The following USP7 variants were observed in gnomAD, a reference collection of about 807,000 sequenced individuals.
USP7 encodes the protein ubiquitin specific peptidase 7.
Under a neutral mutation model 162.9 loss-of-function variants are expected in USP7, and 9 were observed. The ratio of observed to expected loss-of-function variants is 0.06; its 90% CI spans 0.03 to 0.10. USP7 has a LOEUF of 0.10. Among genes scored for constraint, USP7 ranks in the 10% least tolerant of loss-of-function variants. The pLI, the probability that USP7 is intolerant of heterozygous loss-of-function variation, is 1.00. For synonymous variants in USP7, 562 were observed against 475.9 expected, an observed-to-expected ratio of 1.18 and a Z score of -2.35; for missense variants, 715 against 1,373.7, an observed-to-expected ratio of 0.52 and a Z score of 7.58.
At position 8,895,200 on chromosome 16, in the gene USP7, C is replaced by G. The variant is rs148295997; in HGVS notation, c.2920-50G>C. The G allele has an allele frequency of 2.5e-4, 405 of 1,612,744 alleles. 2 individuals carry two copies. In the East Asian group the frequency reaches 6.4e-3, roughly 26 times the overall value. ...GTTCTGTAAGTGCAAGTGATGTGGT[C>G]AAAGTGTCCACATCTCAATTCTCAC... On this transcript the variant is annotated intron_variant, in intron 27 of 30. Coordinates refer to ENST00000344836, the MANE Select transcript of USP7 (RefSeq NM_003470.3).
intron 4 of USP7, 104 bp from the exon 5 acceptor site, chr16:8,920,551 T>C (rs1316083392): frequency 3.5e-6 from 3 of 847,878 alleles, no homozygotes; most frequent in African/African-American, 1.8e-5. Flanking sequence ...ATGAAAATAC[T>C]TTTTTTTTAA....
intron 25 of USP7, among the ~76,000 whole-genome samples, chr16:8,898,130 A>C (rs1417300673): frequency 6.6e-6 from 1 of 152,130 alleles, no homozygotes; most frequent in Non-Finnish European, 1.5e-5. Context: ...CCAGAAGGGA[A>C]GGGTTGGCTG....
At chr16:8,960,698 T>C (rs1899973563) in intron 1 of USP7, among the ~76,000 whole-genome samples, 1 of 152,216 alleles carries the variant, frequency 6.6e-6, no homozygotes, top group African/African-American at 2.4e-5. Context: ...GCCTGGTCCA[T>C]GAAGCCAACC....
At chr16:8,953,195 C>T (rs1359927083) in intron 1 of USP7, among the ~76,000 whole-genome samples, 2 of 152,082 alleles carry the variant, frequency 1.3e-5, no homozygotes, top group East Asian at 3.9e-4. Context: ...CTGAGGCTCC[C>T]CCTCCCCGCG....
intron 1 of USP7, among the ~76,000 whole-genome samples, chr16:8,936,906 T>C (rs1392432766): frequency 5.9e-5 from 9 of 152,094 alleles, no homozygotes; most frequent in South Asian, 4.1e-4. Flanking sequence ...ACAAATCTGG[T>C]TTAAAACACT....
At chr16:8,927,411 G>A (rs985296773) in intron 2 of USP7, among the ~76,000 whole-genome samples, 1 of 152,166 alleles carries the variant, frequency 6.6e-6, no homozygotes, top group Admixed American at 6.5e-5. Context: ...AAATGGTGCT[G>A]TTGCAGTGAT....
chr16:8,908,202 T>G (rs1857331001), intron 12 of USP7, 139 bp downstream of exon 12: 1 of 721,048 alleles, frequency 1.4e-6, no homozygotes, highest in South Asian at 1.7e-5. Context: ...ACTGCGGCTC[T>G]TGGGACACAG....
At chr16:8,953,589 G>A (rs1899662916) in intron 1 of USP7, among the ~76,000 whole-genome samples, 3 of 86,948 alleles carry the variant, frequency 3.5e-5, no homozygotes, top group Non-Finnish European at 7.3e-5. Flanking sequence ...CGTGCCCCAT[G>A]CGGCGCCACC....
chr16:8,921,003 G>GA (rs1463555939), intron 4 of USP7, among the ~76,000 whole-genome samples, 154 bp downstream of exon 4: 1 of 152,176 alleles, frequency 6.6e-6, no homozygotes, highest in Non-Finnish European at 1.5e-5. Context: ...CGTAAGATAC[G>GA]AAACTGGAGA....
chr16:8,925,837 T>C (rs1319653298), intron 2 of USP7, among the ~76,000 whole-genome samples: 1 of 152,214 alleles, frequency 6.6e-6, no homozygotes, highest in Non-Finnish European at 1.5e-5. Flanking sequence ...TCCTGAAAAC[T>C]CTTCATACTA....
intron 5 of USP7, 22 bp downstream of exon 5, chr16:8,920,337 A>T (rs765440096): frequency 1.3e-6 from 2 of 1,593,556 alleles, no homozygotes; most frequent in Non-Finnish European, 1.7e-6. Flanking sequence ...TTTTAACAGC[A>T]CCTGATTAAA....
chr16:8,926,295 T>C lies in USP7; in HGVS notation c.185-2882A>G, dbSNP rs111518278. The stretch of plus-strand genomic sequence containing the variant: ...GAGTTTGAGACCAGCCTGCCCAACA[T>C]GGTGAAACCCCGTCTCTACTAAAAA... On this transcript the variant is annotated intron_variant, in intron 2 of 30. Transcript: ENST00000344836. Among the ~76,000 whole-genome samples, 526 of 151,842 alleles carry C rather than the reference T, an allele frequency of 3.5e-3. 2 individuals carry two copies. The highest frequency in any genetic ancestry group is 0.012 in the African/African-American group (496 of 41,376).
At chr16:8,938,766 T>A (rs1332323627) in intron 1 of USP7, among the ~76,000 whole-genome samples, 1 of 152,150 alleles carries the variant, frequency 6.6e-6, no homozygotes, top group East Asian at 1.9e-4. Flanking sequence ...TACAGATTTT[T>A]TTCTGTGTCA....
intron 4 of USP7, among the ~76,000 whole-genome samples, chr16:8,920,724 G>T (rs1371155828): frequency 6.6e-6 from 1 of 152,154 alleles, no homozygotes; most frequent in African/African-American, 2.4e-5. Context: ...CCTCTAAGCA[G>T]GGGAGGGGCT....
intron 25 of USP7, among the ~76,000 whole-genome samples, chr16:8,897,772 A>ACCTGT (rs2061711984): frequency 7.5e-6 from 1 of 133,836 alleles, no homozygotes; most frequent in Non-Finnish European, 1.6e-5. Flanking sequence ...GGTGACATAC[A>ACCTGT]CCTGTAATCC....
intron 1 of USP7, among the ~76,000 whole-genome samples, chr16:8,957,335 A>C (rs1459648576): frequency 6.6e-6 from 1 of 152,154 alleles, no homozygotes; most frequent in Non-Finnish European, 1.5e-5. Context: ...TTAACATCTA[A>C]CTCTGTCATG....
chr16:8,895,804 T>C (rs897821002), intron 26 of USP7, 63 bp from the exon 27 acceptor site: 56 of 1,157,446 alleles, frequency 4.8e-5, no homozygotes, highest in Non-Finnish European at 6.1e-5. Flanking sequence ...AAAAATAAAA[T>C]GGTTTTCTAG....
chr16:8,896,525 T>A (rs1332684727), intron 26 of USP7, among the ~76,000 whole-genome samples: 1 of 152,128 alleles, frequency 6.6e-6, no homozygotes, highest in Admixed American at 6.5e-5. Context: ...AAATAAACAA[T>A]CAATTCAGGG....
chr16:8,921,200 T>C lies in USP7; in HGVS notation c.479A>G (p.His160Arg). ...FSRRISHLFF[H>R]KENDWGFSNF... is the part of the protein sequence containing the mutation. ...GGAAAATCCCCAATCATTTTCTTTA[T>C]GGAAGAACAAATGACTAATACGACG... The change falls in exon 4 of 31, where the codon CAT (histidine) becomes CGT (arginine). Residue 160 changes from histidine to arginine, a missense_variant. Physicochemically the swap from His to Arg is conservative, Grantham distance 29. Coordinates refer to ENST00000344836, the MANE Select transcript of USP7 (RefSeq NM_003470.3). 6.2e-7 allele frequency: 1 copy of C among 1,614,088 alleles called. No individual in the cohort carries two copies. The highest frequency in any genetic ancestry group is 8.5e-7 in the Non-Finnish European group (1 of 1,180,016).
Sources: allele counts gnomAD v4.1 joint callset (sites outside exome capture counted in the v4.1 genomes callset), GRCh38; gene constraint gnomAD v4.1.1; transcripts MANE v1.5; gene names NCBI Gene and HGNC (gene_info 2026-07-23, HGNC 2026-07-21).